DOCK4: variants seen among roughly 807,000 people sequenced by gnomAD.
DOCK4 encodes the protein dedicator of cytokinesis protein 4.
Under a neutral mutation model 268.1 loss-of-function variants are expected in DOCK4, and 97 were observed. The ratio of observed to expected loss-of-function variants is 0.36; its 90% CI spans 0.31 to 0.43. The LOEUF is 0.43. DOCK4 is among the 20% of genes least tolerant of loss of function. The pLI, the probability that DOCK4 is intolerant of heterozygous loss-of-function variation, is 1.00. For missense variants in DOCK4, 2,145 were observed against 2,455.7 expected, an observed-to-expected ratio of 0.87 and a Z score of 2.67; for synonymous variants, 954 against 887.2, an observed-to-expected ratio of 1.08 and a Z score of -1.34.
At chr7:111,794,590 G>T (rs989929453) in intron 30 of DOCK4, among the ~76,000 whole-genome samples, 1 of 152,084 alleles carries the variant, frequency 6.6e-6, no homozygotes, top group African/African-American at 2.4e-5. Flanking sequence ...AGAGGGGCAA[G>T]GTTGTCAAAT....
intron 49 of DOCK4, among the ~76,000 whole-genome samples, chr7:111,738,282 A>C (rs765324881): frequency 3.9e-5 from 6 of 152,186 alleles, no homozygotes; most frequent in Non-Finnish European, 5.9e-5. Flanking sequence ...TGAGCAGTTG[A>C]CAGGGAAAGG....
chr7:111,834,581 C>G lies in DOCK4; in HGVS notation c.2835+7G>C. The G allele has an allele frequency of 6.6e-7, 1 of 1,525,062 alleles. No individual in the cohort carries two copies. The highest frequency in any genetic ancestry group is 8.8e-7 in the Non-Finnish European group (1 of 1,132,974). 94.5% of individuals were successfully genotyped at this position (1,525,062 alleles called of 1,614,324 possible). On this transcript the variant is annotated splice_region_variant and intron_variant, in intron 26 of 52. Coordinates refer to ENST00000428084, the MANE Select transcript of DOCK4 (RefSeq NM_001363540.2). ...TGTTAAAGAAAACATTTTAAAATGTCACTTACCCTTAGTTCTTCCTTTGTA... is the reference window on the plus strand; with the variant it reads ...TGTTAAAGAAAACATTTTAAAATGTGACTTACCCTTAGTTCTTCCTTTGTA...
chr7:112,023,935 G>A (rs995743562), intron 1 of DOCK4, among the ~76,000 whole-genome samples: 1 of 152,172 alleles, frequency 6.6e-6, no homozygotes, highest in African/African-American at 2.4e-5. Context: ...CAGACTAAGT[G>A]ACGCAGTACA....
chr7:112,143,821 C>G (rs1474825200), intron 1 of DOCK4, among the ~76,000 whole-genome samples: 2 of 152,196 alleles, frequency 1.3e-5, no homozygotes, highest in African/African-American at 4.8e-5. Flanking sequence ...CATCATTCAT[C>G]TCCTCCTCTT....
At chr7:111,958,345 T>C (rs944766217) in intron 8 of DOCK4, among the ~76,000 whole-genome samples, 1 of 152,188 alleles carries the variant, frequency 6.6e-6, no homozygotes, top group African/African-American at 2.4e-5. Context: ...CAAATGGCGT[T>C]GAATACCAAA....
Position 111,847,165 on chromosome 7 carries a change from G to A in DOCK4, c.2474-39C>T, listed in dbSNP as rs775048893. 3.8e-5 allele frequency: 62 copies of A among 1,611,340 alleles called. 1 individual carries two copies. The South Asian group carries it at 4.4e-4, about 11-fold the overall frequency. Reference sequence around the variant, plus strand: ...AGTCATTAGTGTCACATCTGTTGGAGTCCCACGCAATACCTAGGGCAAATC... The same window carrying A: ...AGTCATTAGTGTCACATCTGTTGGAATCCCACGCAATACCTAGGGCAAATC... On this transcript the variant is annotated intron_variant, in intron 23 of 52. Transcript: ENST00000428084.
chr7:112,026,196 G>T (rs535096634), intron 1 of DOCK4, among the ~76,000 whole-genome samples: 17 of 152,208 alleles, frequency 1.1e-4, no homozygotes, highest in Non-Finnish European at 2.9e-5. Flanking sequence ...GAACCCAACC[G>T]CACAGCAGAA....
At chr7:111,849,401 T>G (rs1229334482) in intron 23 of DOCK4, among the ~76,000 whole-genome samples, 1 of 151,988 alleles carries the variant, frequency 6.6e-6, no homozygotes, top group Admixed American at 6.6e-5. Flanking sequence ...TAGCTGGGAC[T>G]ACATGCACGT....
chr7:111,732,197 C>G, intron 52 of DOCK4, 29 bp downstream of exon 52: 2 of 1,611,870 alleles, frequency 1.2e-6, no homozygotes, highest in Non-Finnish European at 1.7e-6. Flanking sequence ...GGGCCAGTCT[C>G]TAGCCTCAGT....
intron 1 of DOCK4, among the ~76,000 whole-genome samples, chr7:112,173,423 G>A (rs1190104820): frequency 6.6e-6 from 1 of 152,098 alleles, no homozygotes; most frequent in Non-Finnish European, 1.5e-5. Context: ...TAGTGGCGAG[G>A]CAGCTGTTTT....
chr7:112,180,047 T>C lies in DOCK4; in HGVS notation c.37+26055A>G, dbSNP rs1023043663. Among the ~76,000 whole-genome samples the C allele has an allele frequency of 3.0e-4, 46 of 152,084 alleles. 3 individuals carry two copies. On this transcript the variant is annotated intron_variant, in intron 1 of 52. Transcript: ENST00000428084. ...CCAAAAGTCTAAAGTAGAACATAAA[T>C]GGAAAACAAAATTCCAAAGTAAAAA...
intron 52 of DOCK4, 94 bp from the exon 53 acceptor site, chr7:111,728,814 C>T: frequency 8.2e-7 from 1 of 1,225,992 alleles, no homozygotes; most frequent in Non-Finnish European, 1.1e-6. Flanking sequence ...AGGCCCCGGC[C>T]CCCAGCACCC....
chr7:112,124,977 C>CA, intron 1 of DOCK4, among the ~76,000 whole-genome samples: 1 of 152,122 alleles, frequency 6.6e-6, no homozygotes, highest in Non-Finnish European at 1.5e-5. Context: ...TACTATGTAT[C>CA]AAAAAGATGT....
At chr7:112,012,021 G>T (rs1309271372) in intron 1 of DOCK4, among the ~76,000 whole-genome samples, 9 of 151,644 alleles carry the variant, frequency 5.9e-5, no homozygotes, top group African/African-American at 2.2e-4. Flanking sequence ...GCTAGCCCAC[G>T]ATGACACCCC....
At chr7:111,729,489 A>G (rs959454690) in intron 52 of DOCK4, among the ~76,000 whole-genome samples, 1 of 152,268 alleles carries the variant, frequency 6.6e-6, no homozygotes, top group Non-Finnish European at 1.5e-5. Flanking sequence ...TTGAGACTGC[A>G]GTGAGCCGTG....
intron 12 of DOCK4, among the ~76,000 whole-genome samples, chr7:111,917,864 A>G (rs545724890): frequency 6.6e-6 from 1 of 152,216 alleles, no homozygotes; most frequent in Admixed American, 6.5e-5. Flanking sequence ...GACTTACAGT[A>G]TGATAATGCT....
chr7:111,764,996 G>T, intron 39 of DOCK4, 122 bp downstream of exon 39: 1 of 476,914 alleles, frequency 2.1e-6, no homozygotes, highest in Non-Finnish European at 3.7e-6. Context: ...CAAAGTAAAA[G>T]TTTAAAAAAA....
At chr7:112,110,824 G>A (rs535390053) in intron 1 of DOCK4, among the ~76,000 whole-genome samples, 1 of 152,276 alleles carries the variant, frequency 6.6e-6, no homozygotes, top group East Asian at 1.9e-4. Flanking sequence ...TCAGCTGGAG[G>A]GGTGGCTTAC....
intron 26 of DOCK4, among the ~76,000 whole-genome samples, chr7:111,829,000 G>T (rs919856513): frequency 9.9e-5 from 15 of 151,652 alleles, no homozygotes; most frequent in African/African-American, 3.6e-4. Context: ...TGGGGGTTAG[G>T]AGGAGAGTAA....
Sources: gnomAD v4.1 joint callset for allele counts (sites outside exome capture counted in the v4.1 genomes callset) on GRCh38, gnomAD v4.1.1 for gene constraint, MANE v1.5 for transcripts, NCBI Gene and HGNC (gene_info 2026-07-23, HGNC 2026-07-21) for gene names.